CDYL: variants seen among roughly 807,000 people sequenced by gnomAD.
CDYL encodes chromodomain Y like, also known as chromodomain Y-like protein.
A neutral mutation model predicts 47.3 loss-of-function variants in CDYL; 8 were observed. The observed-to-expected ratio is 0.17, with a 90% CI of 0.10 to 0.31. The LOEUF is 0.31. Among genes scored for constraint, CDYL ranks in the 10% least tolerant of loss-of-function variants. CDYL has a pLI of 1.00. For missense variants in CDYL, 471 were observed against 701.4 expected, an observed-to-expected ratio of 0.67 and a Z score of 3.71; for synonymous variants, 266 against 265.0, an observed-to-expected ratio of 1.00 and a Z score of -0.04.
chr6:4,734,648 A>ATTGAGGG, intron 2 of CDYL: 1 of 1,387,824 alleles, frequency 7.2e-7, no homozygotes, highest in Non-Finnish European at 9.8e-7. Context: ...CTCCTAATTC[A>ATTGAGGG]GGAAGGGGAG....
At chr6:4,736,525 C>T (rs981476235) in intron 3 of CDYL, among the ~76,000 whole-genome samples, 1 of 152,178 alleles carries the variant, frequency 6.6e-6, no homozygotes, top group African/African-American at 2.4e-5. Context: ...GCCTTCCTGG[C>T]CTCTGCTTAT....
intron 1 of CDYL, among the ~76,000 whole-genome samples, chr6:4,791,406 T>C (rs1432285210): frequency 6.6e-6 from 1 of 152,260 alleles, no homozygotes; most frequent in Non-Finnish European, 1.5e-5. Context: ...TGAAGTACTT[T>C]AGTTCACGTC....
At chr6:4,718,982 G>C (rs1467209837) in intron 2 of CDYL, among the ~76,000 whole-genome samples, 1 of 151,454 alleles carries the variant, frequency 6.6e-6, no homozygotes, top group Non-Finnish European at 1.5e-5. Context: ...GGAGTGCAAT[G>C]TAACAATCTC....
intron 1 of CDYL, among the ~76,000 whole-genome samples, chr6:4,869,603 A>G (rs747901207): frequency 4.6e-5 from 7 of 152,038 alleles, no homozygotes; most frequent in Admixed American, 1.3e-4. Flanking sequence ...TTAAAACTTA[A>G]TATTTGAATT....
intron 2 of CDYL, chr6:4,724,812 C>T (rs1176130008): frequency 6.6e-6 from 1 of 152,172 alleles, no homozygotes; most frequent in Non-Finnish European, 1.5e-5. Context: ...AAAGAATTAG[C>T]AGCAACAATA....
At chr6:4,731,403 C>G (rs1160474014) in intron 2 of CDYL, among the ~76,000 whole-genome samples, 1 of 152,184 alleles carries the variant, frequency 6.6e-6, no homozygotes, top group Non-Finnish European at 1.5e-5. Context: ...CTATCATGAT[C>G]TAATTCAAAT....
intron 4 of CDYL, 58 bp downstream of exon 4, chr6:4,937,795 A>G: frequency 7.2e-7 from 1 of 1,397,590 alleles, no homozygotes; most frequent in Non-Finnish European, 9.9e-7. Context: ...TGGTAAACCA[A>G]TCCTGATAGA....
chr6:4,904,789 G>A (rs777852362), intron 2 of CDYL, among the ~76,000 whole-genome samples: 1 of 152,124 alleles, frequency 6.6e-6, no homozygotes, highest in Admixed American at 6.5e-5. Context: ...AGCTGTAAAC[G>A]GCTTTGGGCC....
intron 2 of CDYL, among the ~76,000 whole-genome samples, chr6:4,732,820 A>G (rs896690329): frequency 1.3e-5 from 2 of 152,170 alleles, no homozygotes. Context: ...GAAAGAAAAG[A>G]TAGCGGCCTG....
At chr6:4,774,154 C>A (rs770006547), upstream of CDYL, among the ~76,000 whole-genome samples, 2 of 152,124 alleles carry the variant, frequency 1.3e-5, no homozygotes, top group South Asian at 4.2e-4. Flanking sequence ...ATGGTCATGG[C>A]GAGAAGTGCT....
rs922187395 is a variant in CDYL, at chr6:4,871,504, G to A, written c.25-20209G>A. On this transcript the variant is annotated intron_variant, in intron 1 of 6. Transcript: ENST00000397588. The stretch of plus-strand genomic sequence containing the variant: ...GGGGTTCAATAAATATTGCTATAAT[G>A]GAAGACTGCAGTTAGTGAAACCAGA... Among the ~76,000 whole-genome samples, 6 of 152,142 alleles carry A rather than the reference G, an allele frequency of 3.9e-5. No individual in the cohort carries two copies. The South Asian group carries it at 1.2e-3, about 32-fold the overall frequency.
At chr6:4,919,145 T>C (rs1052722982) in intron 2 of CDYL, among the ~76,000 whole-genome samples, 2 of 152,194 alleles carry the variant, frequency 1.3e-5, no homozygotes, top group African/African-American at 4.8e-5. Context: ...GTTATCCTAC[T>C]GTCAGTCATT....
chr6:4,819,150 CTCTCTCTCTCTCTG>C lies in CDYL; in HGVS notation c.24+42345_24+42358del, dbSNP rs1323991944. On this transcript the variant is annotated intron_variant, in intron 1 of 6. Transcript: ENST00000397588. The stretch of plus-strand genomic sequence containing the variant: ...TCTCTCTCTCTCTCTCTCTCTCTCT[CTCTCTCTCTCTCTG>C]TGTGTGTGTGTGTGTGTGTAGCTCT... Among the ~76,000 whole-genome samples the C allele has an allele frequency of 1.0e-3, 146 of 139,414 alleles. 1 individual carries two copies. The highest frequency in any genetic ancestry group is 4.0e-3 in the African/African-American group (129 of 32,376). The allele number at this position is 139,414 out of a possible 152,430, so 91.5% of individuals were successfully genotyped here.
chr6:4,941,652 T>TA (rs1561721714), intron 4 of CDYL, among the ~76,000 whole-genome samples: 2 of 152,220 alleles, frequency 1.3e-5, no homozygotes, highest in Admixed American at 1.3e-4. Flanking sequence ...AGTTTCGACT[T>TA]ACCAATATCT....
chr6:4,832,045 T>C (rs1240821716), intron 1 of CDYL, among the ~76,000 whole-genome samples: 5 of 151,996 alleles, frequency 3.3e-5, no homozygotes, highest in Non-Finnish European at 7.4e-5. Flanking sequence ...ACTTCCTCTT[T>C]TCCTAATTGA....
intron 2 of CDYL, among the ~76,000 whole-genome samples, chr6:4,733,696 A>C (rs961916127): frequency 6.6e-5 from 10 of 152,146 alleles, no homozygotes; most frequent in African/African-American, 2.4e-4. Flanking sequence ...GAAGGCAAAG[A>C]TTAATTTTAT....
intron 5 of CDYL, among the ~76,000 whole-genome samples, chr6:4,945,800 C>T (rs988119682): frequency 2.0e-5 from 3 of 152,266 alleles, no homozygotes; most frequent in African/African-American, 7.2e-5. Context: ...GACTTAGCCA[C>T]AGGACTCTCG....
In CDYL at chr6:4,892,021, G is replaced by T; in HGVS notation, c.333G>T (p.Gln111His). 1 of 1,614,170 alleles carries T rather than the reference G, an allele frequency of 6.2e-7. No homozygotes were observed. Residue 111 changes from glutamine to histidine, a missense_variant, in exon 2 of 7, where the codon CAG (glutamine) becomes CAT (histidine). Coordinates refer to ENST00000397588, the MANE Select transcript of CDYL (RefSeq NM_004824.4). ...IGKDHESKNS[Q>H]LFAASQKFRK... The stretch of plus-strand genomic sequence containing the variant: ...AAGACCACGAATCCAAAAACAGCCA[G>T]CTGTTTGCTGCCAGCCAGAAGTTCA...
chr6:4,769,194 A>C (rs1315176485), intron 3 of CDYL, among the ~76,000 whole-genome samples: 2 of 152,236 alleles, frequency 1.3e-5, no homozygotes, highest in Non-Finnish European at 2.9e-5. Context: ...TTAGTTAATA[A>C]TACTGTATCA....
Sources: allele counts gnomAD v4.1 joint callset (sites outside exome capture counted in the v4.1 genomes callset), GRCh38; gene constraint gnomAD v4.1.1; transcripts MANE v1.5; gene names NCBI Gene and HGNC (gene_info 2026-07-23, HGNC 2026-07-21).